Variants in CA10 observed in about 807,000 individuals in gnomAD.
CA10 encodes the protein carbonic anhydrase-related protein 10.
A neutral mutation model predicts 44.2 loss-of-function variants in CA10; 14 were observed. The observed-to-expected ratio is 0.32, with a 90% CI of 0.21 to 0.50. The LOEUF is 0.50. Ranked by LOEUF, CA10 falls within the 20% of genes least tolerant of loss-of-function variation. The pLI is 0.99. For synonymous variants in CA10, 159 were observed against 141.6 expected, an observed-to-expected ratio of 1.12 and a Z score of -0.87; for missense variants, 350 against 409.7, an observed-to-expected ratio of 0.85 and a Z score of 1.26.
intron 4 of CA10, among the ~76,000 whole-genome samples, chr17:51,715,901 G>A (rs1487360006): frequency 1.3e-5 from 2 of 152,224 alleles, no homozygotes; most frequent in East Asian, 3.9e-4. Context: ...TGTTGGCCAG[G>A]CTGGTCTCGA....
intron 3 of CA10, among the ~76,000 whole-genome samples, chr17:51,922,939 C>T (rs1982289364): frequency 6.6e-6 from 1 of 152,140 alleles, no homozygotes; most frequent in African/African-American, 2.4e-5. Context: ...AACCAGACCC[C>T]TATCACTTTC....
intron 3 of CA10, among the ~76,000 whole-genome samples, chr17:51,887,875 A>G (rs77366899): frequency 1.3e-5 from 2 of 150,956 alleles, no homozygotes; most frequent in African/African-American, 4.9e-5. Context: ...AAAGAAAAAA[A>G]ATTAGTCGGG....
intron 1 of CA10, among the ~76,000 whole-genome samples, chr17:52,142,431 G>A (rs1026126682): frequency 8.5e-5 from 13 of 152,120 alleles, no homozygotes; most frequent in Non-Finnish European, 1.3e-4. Flanking sequence ...CCATTATTAT[G>A]TGCCTGATAA....
chr17:51,724,899 G>A (rs925615464), intron 4 of CA10, among the ~76,000 whole-genome samples: 1 of 152,164 alleles, frequency 6.6e-6, no homozygotes, highest in South Asian at 2.1e-4. Context: ...AAGATAAAGG[G>A]CATAGTAATA....
At chr17:52,024,949 T>C (rs913829274) in intron 2 of CA10, among the ~76,000 whole-genome samples, 26 of 151,884 alleles carry the variant, frequency 1.7e-4, no homozygotes, top group African/African-American at 6.3e-4. Flanking sequence ...ATCATATATA[T>C]AGTATATGTA....
chr17:51,788,961 C>A (rs1906402087), intron 3 of CA10, among the ~76,000 whole-genome samples: 1 of 152,196 alleles, frequency 6.6e-6, no homozygotes, highest in East Asian at 1.9e-4. Flanking sequence ...CTCTAACATT[C>A]AATGGCATGT....
At chr17:51,855,581 G>C (rs1394373992) in intron 3 of CA10, among the ~76,000 whole-genome samples, 1 of 152,156 alleles carries the variant, frequency 6.6e-6, no homozygotes, top group African/African-American at 2.4e-5. Flanking sequence ...TTCTTGAGGA[G>C]CACAGTGCCT....
At chr17:51,962,281 A>C (rs894205331) in intron 2 of CA10, among the ~76,000 whole-genome samples, 2 of 152,214 alleles carry the variant, frequency 1.3e-5, no homozygotes, top group East Asian at 3.9e-4. Flanking sequence ...CAGGCAAAAA[A>C]GGTTTCCCAG....
chr17:51,974,513 CTG>C (rs891876570), intron 2 of CA10, among the ~76,000 whole-genome samples: 1 of 147,646 alleles, frequency 6.8e-6, no homozygotes, highest in African/African-American at 2.5e-5. Context: ...AAACAAAAAA[CTG>C]TAACAAAAAA....
chr17:51,737,595 A>C (rs1916954776), intron 4 of CA10, among the ~76,000 whole-genome samples: 1 of 152,190 alleles, frequency 6.6e-6, no homozygotes, highest in Non-Finnish European at 1.5e-5. Flanking sequence ...TCAAAAAGCC[A>C]AAGCAGTTTA....
At chr17:51,877,067 G>A (rs1980113431) in intron 3 of CA10, among the ~76,000 whole-genome samples, 1 of 152,194 alleles carries the variant, frequency 6.6e-6, no homozygotes, top group Non-Finnish European at 1.5e-5. Flanking sequence ...GTGACTATAT[G>A]AATTGGCTTG....
intron 3 of CA10, among the ~76,000 whole-genome samples, chr17:51,768,646 A>G (rs948049952): frequency 6.6e-6 from 1 of 152,280 alleles, no homozygotes; most frequent in South Asian, 2.1e-4. Context: ...CTGGCACTAT[A>G]TCAAGTCCAC....
rs142238168 is a variant in CA10, at chr17:51,803,170, A to G, written c.280-55352T>C. Among the ~76,000 whole-genome samples the G allele has an allele frequency of 2.0e-3, 307 of 152,302 alleles. 1 individual carries two copies. Among genetic ancestry groups the G allele is most frequent in the Non-Finnish European group, 2.2e-3 (151 of 68,026 alleles). ...ACTCTCTGATTTGTGCGCAACTAGG[A>G]TCATCTTGCAGGAAGGCTGTTCAAG... On this transcript the variant is annotated intron_variant, in intron 3 of 8. Transcript: ENST00000451037.
chr17:51,801,068 G>A (rs146605645), intron 3 of CA10, among the ~76,000 whole-genome samples: 5 of 152,274 alleles, frequency 3.3e-5, no homozygotes, highest in African/African-American at 1.2e-4. Context: ...TTCCCTCAGG[G>A]ACTGGAGGTC....
Position 51,917,986 on chromosome 17 carries a change from C to T in CA10, c.279+13004G>A, listed in dbSNP as rs945040473. Among the ~76,000 whole-genome samples the T allele has an allele frequency of 3.3e-5, 5 of 152,172 alleles. No individual in the cohort carries two copies. The South Asian group carries it at 6.2e-4, about 19-fold the overall frequency. ...AGAAAATTATTTGCATAAGAATTCT[C>T]ATCTCAAGCTCTAAACCTATGCTTA... On this transcript the variant is annotated intron_variant, in intron 3 of 8. Transcript: ENST00000451037.
intron 2 of CA10, among the ~76,000 whole-genome samples, chr17:52,053,674 G>C (rs1987140925): frequency 6.6e-6 from 1 of 152,024 alleles, no homozygotes; most frequent in Non-Finnish European, 1.5e-5. Context: ...TAGAAATTGA[G>C]TGCACAGAAA....
chr17:51,727,639 A>G (rs1916571472), intron 4 of CA10, among the ~76,000 whole-genome samples: 1 of 152,218 alleles, frequency 6.6e-6, no homozygotes, highest in South Asian at 2.1e-4. Flanking sequence ...TTACATTTGT[A>G]AATAGCAACT....
intron 2 of CA10, among the ~76,000 whole-genome samples, chr17:51,965,747 A>G (rs964224840): frequency 1.3e-5 from 2 of 152,002 alleles, no homozygotes; most frequent in Non-Finnish European, 2.9e-5. Flanking sequence ...CCCACAGCCA[A>G]CATAATACCA....
rs1426658545 is a variant in CA10, at chr17:52,080,727, C to T, written c.62-8334G>A. On this transcript the variant is annotated intron_variant, in intron 1 of 8. Coordinates refer to ENST00000451037, the MANE Select transcript of CA10 (RefSeq NM_020178.5). The stretch of plus-strand genomic sequence containing the variant: ...TCCACACCTTCACTCTGCCCTTTTT[C>T]CCCCCGAAATTCCTTCTTTGTCTAC... Among the ~76,000 whole-genome samples, 5 of 152,026 alleles carry T rather than the reference C, an allele frequency of 3.3e-5. No homozygotes were observed. In the South Asian group the frequency reaches 1.0e-3, roughly 32 times the overall value.
Sources: gnomAD v4.1 joint callset for allele counts (sites outside exome capture counted in the v4.1 genomes callset) on GRCh38, gnomAD v4.1.1 for gene constraint, MANE v1.5 for transcripts, NCBI Gene and HGNC (gene_info 2026-07-23, HGNC 2026-07-21) for gene names.